The following HOOK2 variants were observed in gnomAD, a reference collection of about 807,000 sequenced individuals.
HOOK2 encodes hook microtubule tethering protein 2, also known as protein Hook homolog 2.
Under a neutral mutation model 111.9 loss-of-function variants are expected in HOOK2, and 108 were observed. The observed-to-expected ratio is 0.96, with a 90% CI of 0.83 to 1.13. The LOEUF is 1.13. Among genes scored for constraint, HOOK2 ranks in the 50% most tolerant of loss-of-function variants. The probability of loss-of-function intolerance (pLI) is 0.00; values close to 1 mark genes in which losing one functional copy is unlikely to be tolerated. For synonymous variants in HOOK2, 405 were observed against 394.3 expected, an observed-to-expected ratio of 1.03 and a Z score of -0.32; for missense variants, 978 against 951.3, an observed-to-expected ratio of 1.03 and a Z score of -0.37.
rs1001516417 is a variant in HOOK2, at chr19:12,765,081, C to T, written c.1641G>A (p.Leu547=). Residue 547 remains leucine (L), a splice_region_variant and synonymous_variant, in exon 19 of 23, where the codon TTG becomes TTA. Transcript: ENST00000397668. Reference sequence around the variant, plus strand: ...CCAGATCTGCCTCATGAAGCTTCTGCCTGTGGGCCGGGGATGAGCAGCAGT... The same window carrying T: ...CCAGATCTGCCTCATGAAGCTTCTGTCTGTGGGCCGGGGATGAGCAGCAGT... ...ILLKRKLEEH[L]QKLHEADLEL... is the part of the protein sequence containing the mutation. The T allele has an allele frequency of 1.9e-6, 3 of 1,614,024 alleles. No homozygotes were observed. The highest frequency in any genetic ancestry group is 2.2e-5 in the South Asian group (2 of 91,090).
rs1968103946 is a variant in HOOK2, at chr19:12,764,932, G to A, written c.1724-15C>T. The A allele has an allele frequency of 2.2e-5, 36 of 1,613,902 alleles. No individual in the cohort carries two copies. Among genetic ancestry groups the A allele is most frequent in the Non-Finnish European group, 3.0e-5 (35 of 1,179,922 alleles). On this transcript the variant is annotated splice_polypyrimidine_tract_variant and intron_variant, in intron 19 of 22. Transcript: ENST00000397668. ...CCGCCGGGCTGCTGGCGGAAGAGGT[G>A]GCCCATCAGCTCCACGCTGCTGGGC... is the stretch of plus-strand genomic sequence containing the variant.
At position 12,786,781 on chromosome 19, in the gene HOOK2, G is replaced by A. The variant is rs1379591764; in HGVS notation, n.42-12556C>T. ...CACCCCGTGCTCAAACACCCATGCA[G>A]AGTGTTTGGAGGAACCCTACTCCCA... On this transcript the variant is annotated intron_variant and non_coding_transcript_variant, in intron 3 of 3. Transcript: ENST00000589765. This position sits in a 1 kb window ranked among gnomAD's most constrained non-coding sequence, Gnocchi z 4.3. Among the ~76,000 whole-genome samples the A allele has an allele frequency of 6.6e-6, 1 of 152,208 alleles. No homozygotes were observed. Among genetic ancestry groups the A allele is most frequent in the Non-Finnish European group, 1.5e-5 (1 of 68,018 alleles).
intron 3 of HOOK2, 187 bp from the exon 4 acceptor site, chr19:12,773,231 C>CTTTTTTTT (rs373156108): frequency 1.3e-3 from 335 of 254,596 alleles, no homozygotes; most frequent in East Asian, 1.8e-3. Context: ...ATCTTTGTTT[C>CTTTTTTTT]TTTTTTTTTT....
At position 12,763,520 on chromosome 19, in the gene HOOK2, A is replaced by G; in HGVS notation, c.2010+8T>C. The G allele has an allele frequency of 6.2e-7, 1 of 1,614,150 alleles. No homozygotes were observed. The highest frequency in any genetic ancestry group is 8.5e-7 in the Non-Finnish European group (1 of 1,180,016). On this transcript the variant is annotated splice_region_variant and intron_variant, in intron 22 of 22. Transcript: ENST00000397668. ...CATGAGATCTTAGAGCCCAGACCCCACACTTACCATATTATACCAGGCACT... is the reference window on the plus strand; with the variant it reads ...CATGAGATCTTAGAGCCCAGACCCCGCACTTACCATATTATACCAGGCACT...
In HOOK2 at chr19:12,763,692, C is replaced by G; in HGVS notation, c.1914G>C (p.Arg638=). Residue 638 remains arginine (R), a synonymous_variant, in exon 21 of 23, where the codon CGG becomes CGC. Transcript: ENST00000397668. ...CCTCCAGGTGTCGGATGCGGACATCCCGTTCTCGGAGCTGTGTCCTCAGGG... is the reference window on the plus strand; with the variant it reads ...CCTCCAGGTGTCGGATGCGGACATCGCGTTCTCGGAGCTGTGTCCTCAGGG... ...LHSLRTQLRE[R]DVRIRHLEMD... The G allele has an allele frequency of 6.2e-7, 1 of 1,614,206 alleles. No individual in the cohort carries two copies. Among genetic ancestry groups the G allele is most frequent in the Non-Finnish European group, 8.5e-7 (1 of 1,180,022 alleles).
At chr19:12,788,749 C>T (rs777232684) in intron 3 of HOOK2, among the ~76,000 whole-genome samples, 14 of 152,362 alleles carry the variant, frequency 9.2e-5, no homozygotes, top group South Asian at 6.2e-4. Flanking sequence ...GCTGCGCCCC[C>T]GCGGGGCCCA....
intron 3 of HOOK2, among the ~76,000 whole-genome samples, chr19:12,787,766 C>CA (rs1172340640): frequency 6.6e-6 from 1 of 151,774 alleles, no homozygotes; most frequent in Non-Finnish European, 1.5e-5. Flanking sequence ...TTTAAAAAAA[C>CA]AAAAAAAGGG....
At chr19:12,774,984 A>T in intron 1 of HOOK2, 87 bp from the exon 2 acceptor site, 28 of 1,324,530 alleles carry the variant, frequency 2.1e-5, no homozygotes, top group Non-Finnish European at 2.8e-5. Context: ...CAGTCAGCGA[A>T]CCTCACATGG....
chr19:12,763,058 C>T lies in HOOK2; in HGVS notation c.*224G>A. 1 of 550,720 alleles carries T rather than the reference C, an allele frequency of 1.8e-6. No individual in the cohort carries two copies. The highest frequency in any genetic ancestry group is 3.2e-6 in the Non-Finnish European group (1 of 314,256). The allele number at this position is 550,720 out of a possible 1,614,324, so 34.1% of individuals were successfully genotyped here. On this transcript the variant is annotated 3_prime_UTR_variant, in exon 23 of 23. Coordinates refer to ENST00000397668, the MANE Select transcript of HOOK2 (RefSeq NM_013312.3). ...ATAAAATCAGAGTCTCCTGAGGCAG[C>T]ACATGAACTCCAGAGAGAGAATCAA...
chr19:12,791,826 G>A lies in HOOK2; in HGVS notation n.42-17601C>T. On this transcript the variant is annotated intron_variant and non_coding_transcript_variant, in intron 3 of 3. Coordinates refer to the HOOK2 transcript ENST00000589765. This position sits in a 1 kb window ranked among gnomAD's most constrained non-coding sequence, Gnocchi z 7.0. ...CCACGACGACTCATACACAGCTACG[G>A]GATACGGCCGGGCCCCTGGTGGCCT... The A allele has an allele frequency of 1.2e-6, 2 of 1,613,652 alleles. No homozygotes were observed. The highest frequency in any genetic ancestry group is 1.7e-6 in the Non-Finnish European group (2 of 1,179,850).
intron 3 of HOOK2, chr19:12,774,354 C>G: frequency 2.4e-6 from 1 of 422,866 alleles, no homozygotes; most frequent in Non-Finnish European, 4.4e-6. Context: ...GATCCACCCA[C>G]TTTAGCCTCT....
chr19:12,770,166 G>GTGTTGTT, intron 10 of HOOK2, 84 bp from the exon 11 acceptor site: 1 of 1,222,156 alleles, frequency 8.2e-7, no homozygotes, highest in South Asian at 1.7e-5. Flanking sequence ...GGAGCACAGG[G>GTGTTGTT]TGTTGTTCAG....
intron 1 of HOOK2, 98 bp from the exon 2 acceptor site, chr19:12,774,995 T>C (rs1043771800): frequency 9.6e-6 from 12 of 1,254,650 alleles, no homozygotes; most frequent in Non-Finnish European, 1.3e-5. Flanking sequence ...CCTCACATGG[T>C]GGGGCGGGCG....
intron 7 of HOOK2, chr19:12,771,723 A>C: frequency 4.0e-6 from 2 of 504,394 alleles, no homozygotes; most frequent in Non-Finnish European, 3.6e-6. Flanking sequence ...CTCTACTAAA[A>C]ACACAAAAAT....
chr19:12,770,066 C>A lies in HOOK2; in HGVS notation c.919G>T (p.Ala307Ser). ...MDELRQSSERAGQLEATLTSC... is the reference protein window; with the variant it reads ...MDELRQSSERSGQLEATLTSC... The stretch of plus-strand genomic sequence containing the variant: ...GTCAGCGTGGCCTCCAGCTGCCCAG[C>A]ACGCTCCGAAGACTGCCTAGGGGAG... Residue 307 changes from alanine to serine, a missense_variant, in exon 11 of 23, where the codon GCT becomes TCT. Coordinates refer to ENST00000397668, the MANE Select transcript of HOOK2 (RefSeq NM_013312.3). 6.5e-7 allele frequency: 1 copy of A among 1,528,018 alleles called. No individual in the cohort carries two copies. Among genetic ancestry groups the A allele is most frequent in the Non-Finnish European group, 8.8e-7 (1 of 1,140,712 alleles). The allele number at this position is 1,528,018 out of a possible 1,614,324, so 94.7% of individuals were successfully genotyped here.
Position 12,763,130 on chromosome 19 carries a change from C to T in HOOK2, c.*152G>A, listed in dbSNP as rs184013402. The T allele has an allele frequency of 3.3e-5, 17 of 521,458 alleles. No homozygotes were observed. Among genetic ancestry groups the T allele is most frequent in the Non-Finnish European group, 4.4e-5 (13 of 292,406 alleles). 32.3% of individuals were successfully genotyped at this position (521,458 alleles called of 1,614,324 possible). Reference sequence around the variant, plus strand: ...AAAGAACAGGCCTATATCTACCTCCCGCCCTCCCTCCCCACCAATCTGGGA... The same window carrying T: ...AAAGAACAGGCCTATATCTACCTCCTGCCCTCCCTCCCCACCAATCTGGGA... On this transcript the variant is annotated 3_prime_UTR_variant, in exon 23 of 23. Coordinates refer to ENST00000397668, the MANE Select transcript of HOOK2 (RefSeq NM_013312.3).
intron 10 of HOOK2, among the ~76,000 whole-genome samples, chr19:12,770,406 G>C (rs1406825025): frequency 6.6e-6 from 1 of 151,840 alleles, no homozygotes; most frequent in East Asian, 1.9e-4. Context: ...CATTGGGGGA[G>C]GTATGGGACA....
chr19:12,771,437 C>A lies in HOOK2; in HGVS notation c.560G>T (p.Gly187Val). The A allele has an allele frequency of 3.7e-6, 6 of 1,613,668 alleles. No individual in the cohort carries two copies. Among genetic ancestry groups the A allele is most frequent in the Non-Finnish European group, 5.1e-6 (6 of 1,179,844 alleles). ...YYFLSEEAEE[G>V]DELQQRCLDL... ...CAGACAGCGCTGCTGTAATTCGTCC[C>A]CCTCCTCAGCCTCCTCACTTAGGAA... The change falls in exon 8 of 23, where the codon GGG becomes GTG. Residue 187 changes from glycine (G) to valine (V), a missense_variant. This residue lies in a region of HOOK2 where 301 missense variants were observed against 286.1 expected (regional missense o/e 1.05). Coordinates refer to ENST00000397668, the MANE Select transcript of HOOK2 (RefSeq NM_013312.3).
chr19:12,773,647 G>C (rs368590975), intron 3 of HOOK2, among the ~76,000 whole-genome samples: 34 of 152,020 alleles, frequency 2.2e-4, no homozygotes, highest in African/African-American at 8.2e-4. Flanking sequence ...CCTCTCACCT[G>C]GATTAGTGCA....
Sources: allele counts gnomAD v4.1 joint callset (sites outside exome capture counted in the v4.1 genomes callset), GRCh38; gene constraint gnomAD v4.1.1; regional missense constraint gnomAD v4.1.1; non-coding constraint Gnocchi (gnomAD v3.1); transcripts MANE v1.5; gene names NCBI Gene and HGNC (gene_info 2026-07-23, HGNC 2026-07-21).